The following NR1H4 variants were observed in gnomAD, a reference collection of about 807,000 sequenced individuals.
NR1H4 encodes the protein bile acid receptor.
In NR1H4, 23 loss-of-function variants were observed where a neutral mutation model predicts 58.5. The ratio of observed to expected loss-of-function variants is 0.39; its 90% CI spans 0.28 to 0.56. The LOEUF (loss-of-function observed/expected upper bound fraction) is 0.56, where lower values mean the gene tolerates loss of function less well. NR1H4 is among the 20% of genes least tolerant of loss of function. The pLI is 0.58. For synonymous variants in NR1H4, 214 were observed against 198.0 expected (o/e 1.08, Z -0.68); for missense variants, 487 against 576.9 (o/e 0.84, Z 1.60).
chr12:100,497,343 A>G (rs1953738492), intron 3 of NR1H4, among the ~76,000 whole-genome samples: 1 of 152,146 alleles, frequency 6.6e-6, no homozygotes. Flanking sequence ...TCTTGAAATG[A>G]CAGGTGGTCA....
chr12:100,492,942 GT>G (rs574150191), intron 2 of NR1H4, among the ~76,000 whole-genome samples: 2 of 149,778 alleles, frequency 1.3e-5, no homozygotes, highest in Non-Finnish European at 3.0e-5. Context: ...TTTTATATTT[GT>G]TTTTTTTTCT....
chr12:100,522,499 T>C (rs2136201673), intron 4 of NR1H4, among the ~76,000 whole-genome samples: 1 of 152,278 alleles, frequency 6.6e-6, no homozygotes, highest in East Asian at 1.9e-4. Context: ...AATGGGATAT[T>C]ATTTTTAAAA....
chr12:100,540,912 T>A (rs1954920354), intron 9 of NR1H4, 94 bp downstream of exon 9: 1 of 1,181,488 alleles, frequency 8.5e-7, no homozygotes, highest in African/African-American at 1.5e-5. Context: ...TTATGCAATG[T>A]TATATGCCTG....
intron 1 of NR1H4, among the ~76,000 whole-genome samples, chr12:100,482,261 T>C (rs974391752): frequency 6.6e-6 from 1 of 152,148 alleles, no homozygotes; most frequent in Non-Finnish European, 1.5e-5. Flanking sequence ...GTCTACATTG[T>C]GGGGAAGCAG....
At chr12:100,477,305 G>A (rs1430986674) in intron 1 of NR1H4, among the ~76,000 whole-genome samples, 1 of 151,722 alleles carries the variant, frequency 6.6e-6, no homozygotes, top group African/African-American at 2.4e-5. Flanking sequence ...TTCTTTGTTA[G>A]GATTAAGAAA....
intron 3 of NR1H4, among the ~76,000 whole-genome samples, chr12:100,504,227 T>C (rs1953904931): frequency 6.6e-6 from 1 of 152,208 alleles, no homozygotes; most frequent in African/African-American, 2.4e-5. Flanking sequence ...AAACACAGTA[T>C]AATGTAAATC....
At chr12:100,560,378 C>T (rs1427336387) in intron 9 of NR1H4, among the ~76,000 whole-genome samples, 2 of 149,280 alleles carry the variant, frequency 1.3e-5, no homozygotes. Context: ...TCTTTGGGTC[C>T]ACGCTGCTTT....
chr12:100,537,161 C>G (rs551777533), intron 8 of NR1H4, 114 bp downstream of exon 8: 2 of 714,208 alleles, frequency 2.8e-6, no homozygotes, highest in East Asian at 5.2e-5. Flanking sequence ...CCTGTGAGAT[C>G]AGCTCTATTT....
rs1054436330 is a variant in NR1H4, at chr12:100,536,810, G to A, written c.832-138G>A. On this transcript the variant is annotated intron_variant, in intron 7 of 10. Coordinates refer to ENST00000392986, the MANE Select transcript of NR1H4 (RefSeq NM_001206979.2). ...CCCACCTATCTTGATAATGGTAATT[G>A]CCCTCCAAAGATCTGAGAAATAGTA... The A allele has an allele frequency of 6.0e-6, 4 of 663,546 alleles. No homozygotes were observed. In the African/African-American group the frequency reaches 7.3e-5, roughly 12 times the overall value. The allele number at this position is 663,546 out of a possible 1,614,324, so 41.1% of individuals were successfully genotyped here. A position where few individuals can be genotyped will look rare whatever the true frequency, so the allele number is the denominator to read the frequency against.
chr12:100,557,830 G>T, intron 9 of NR1H4, among the ~76,000 whole-genome samples: 1 of 152,170 alleles, frequency 6.6e-6, no homozygotes, highest in East Asian at 1.9e-4. Context: ...CTCAGCCAAA[G>T]CTCTTTAACT....
intron 1 of NR1H4, among the ~76,000 whole-genome samples, chr12:100,483,587 T>C (rs989004484): frequency 6.6e-6 from 1 of 152,234 alleles, no homozygotes; most frequent in Non-Finnish European, 1.5e-5. Context: ...TCTGTATTTC[T>C]GTCCTGGAAA....
chr12:100,555,319 T>G (rs544017033), intron 9 of NR1H4, among the ~76,000 whole-genome samples: 72 of 152,266 alleles, frequency 4.7e-4, no homozygotes, highest in African/African-American at 1.5e-3. Flanking sequence ...GCATAAAGAT[T>G]GACATTTTTT....
chr12:100,546,070 T>C (rs1246304229), intron 9 of NR1H4, among the ~76,000 whole-genome samples: 1 of 152,078 alleles, frequency 6.6e-6, no homozygotes, highest in Non-Finnish European at 1.5e-5. Flanking sequence ...CTATGCTCAT[T>C]CACCAGTTGA....
In NR1H4 at chr12:100,563,336, C is replaced by T; in HGVS notation, c.1278C>T (p.His426=). 1 of 1,614,110 alleles carries T rather than the reference C, an allele frequency of 6.2e-7. No homozygotes were observed. The highest frequency in any genetic ancestry group is 8.5e-7 in the Non-Finnish European group (1 of 1,180,026). Residue 426 remains histidine (H), a synonymous_variant, in exon 11 of 11, where the codon CAC becomes CAT. Coordinates refer to ENST00000392986, the MANE Select transcript of NR1H4 (RefSeq NM_001206979.2). ...LDVLQKLCKI[H]QPENPQHFAC... ...TGCTACAAAAGTTGTGTAAGATTCACCAGCCTGAAAATCCTCAACACTTTG... is the reference window on the plus strand; with the variant it reads ...TGCTACAAAAGTTGTGTAAGATTCATCAGCCTGAAAATCCTCAACACTTTG...
At position 100,489,547 on chromosome 12, in the gene NR1H4, A is replaced by G. The variant is rs377690556; in HGVS notation, c.-189-2956A>G. On this transcript the variant is annotated intron_variant, in intron 1 of 10. Transcript: ENST00000392986. ...AAATATTCTTCTTTTGTTTTTTTTA[A>G]CCATCTGAAAATGTAAAACCATTCT... Among the ~76,000 whole-genome samples, 9 of 152,280 alleles carry G rather than the reference A, an allele frequency of 5.9e-5. No individual in the cohort carries two copies. In the East Asian group the frequency reaches 7.7e-4, roughly 13 times the overall value.
intron 9 of NR1H4, among the ~76,000 whole-genome samples, chr12:100,554,240 T>C (rs142680584): frequency 4.9e-4 from 75 of 152,336 alleles, no homozygotes; most frequent in African/African-American, 1.5e-3. Flanking sequence ...TGATGTCATT[T>C]CTAGAAAAGT....
At position 100,540,574 on chromosome 12, in the gene NR1H4, A is replaced by G. The variant is rs189849322; in HGVS notation, c.932-98A>G. The G allele has an allele frequency of 4.9e-4, 662 of 1,358,098 alleles. 5 individuals are homozygous for G. Among genetic ancestry groups the G allele is most frequent in the Non-Finnish European group, 2.1e-4 (199 of 951,336 alleles). The allele number at this position is 1,358,098 out of a possible 1,614,324, so 84.1% of individuals were successfully genotyped here. On this transcript the variant is annotated intron_variant, in intron 8 of 10. Coordinates refer to ENST00000392986, the MANE Select transcript of NR1H4 (RefSeq NM_001206979.2). ...CTAGACTACCCAATTTTAAACAACTACAGAATCACTTGATGTAAATGTTTT... is the reference window on the plus strand; with the variant it reads ...CTAGACTACCCAATTTTAAACAACTGCAGAATCACTTGATGTAAATGTTTT...
intron 4 of NR1H4, among the ~76,000 whole-genome samples, chr12:100,524,287 C>T (rs922616732): frequency 6.6e-6 from 1 of 152,208 alleles, no homozygotes; most frequent in East Asian, 1.9e-4. Context: ...TTTAACCCCA[C>T]AGAGCAAACG....
intron 3 of NR1H4, 39 bp downstream of exon 3, chr12:100,493,441 A>T: frequency 9.9e-7 from 1 of 1,014,034 alleles, no homozygotes; most frequent in Admixed American, 2.0e-5. Context: ...ATAAGAACAA[A>T]CTACGATTTG....
Sources: gnomAD v4.1 joint callset for allele counts (sites outside exome capture counted in the v4.1 genomes callset) on GRCh38, gnomAD v4.1.1 for gene constraint, MANE v1.5 for transcripts, NCBI Gene and HGNC (gene_info 2026-07-23, HGNC 2026-07-21) for gene names.